The following LRRIQ1 variants were observed in gnomAD, a reference collection of about 807,000 sequenced individuals.
The protein encoded by LRRIQ1 is leucine-rich repeat- and IQ domain-containing protein 1.
Under a neutral mutation model 211.9 loss-of-function variants are expected in LRRIQ1, and 210 were observed. The ratio of observed to expected loss-of-function variants is 0.99; its 90% CI spans 0.89 to 1.11. The LOEUF is 1.11. Ranked by LOEUF, LRRIQ1 falls within the 50% of genes most tolerant of loss-of-function variation. The pLI is 0.00. For missense variants in LRRIQ1, 2,136 were observed against 1,939.5 expected, an observed-to-expected ratio of 1.10 and a Z score of -1.90; for synonymous variants, 699 against 650.1, an observed-to-expected ratio of 1.08 and a Z score of -1.14.
chr12:85,187,812 A>G (rs1459251378), intron 24 of LRRIQ1, among the ~76,000 whole-genome samples: 1 of 150,376 alleles, frequency 6.6e-6, no homozygotes, highest in Non-Finnish European at 1.5e-5. Flanking sequence ...TTCATCTCAA[A>G]AAAAAAAAAA....
At chr12:85,150,769 T>G (rs1037984876) in intron 19 of LRRIQ1, among the ~76,000 whole-genome samples, 1 of 124,802 alleles carries the variant, frequency 8.0e-6, no homozygotes, top group Non-Finnish European at 1.7e-5. Context: ...GCCTCTCTCT[T>G]TTTCCAATAA....
intron 1 of LRRIQ1, chr12:85,262,824 C>T (rs1421244051): frequency 5.9e-5 from 35 of 588,548 alleles, no homozygotes; most frequent in Non-Finnish European, 6.9e-5. Context: ...TTTTCAACTG[C>T]ATGTTTTTGA....
At chr12:85,131,070 G>T (rs963838833) in intron 18 of LRRIQ1, among the ~76,000 whole-genome samples, 2 of 150,010 alleles carry the variant, frequency 1.3e-5, no homozygotes, top group African/African-American at 4.9e-5. Flanking sequence ...AAAAAAATTA[G>T]CCAGGCATGG....
intron 24 of LRRIQ1, among the ~76,000 whole-genome samples, chr12:85,228,215 T>C (rs1894764100): frequency 6.6e-6 from 1 of 152,166 alleles, no homozygotes; most frequent in South Asian, 2.1e-4. Context: ...CAAAAGAAAC[T>C]ACCATCAGAG....
At chr12:85,102,949 AAAAAAAAAAAATATATAT>A (rs1193382714) in intron 13 of LRRIQ1, among the ~76,000 whole-genome samples, 2 of 106,248 alleles carry the variant, frequency 1.9e-5, no homozygotes, top group East Asian at 3.9e-4. Flanking sequence ...TGTGGCAAAA[AAAAAAAAAAAATATATAT>A]ATATATATAT....
Position 85,055,860 on chromosome 12 carries a change from A to C in LRRIQ1, c.1067A>C (p.Glu356Ala). ...KEERKKQKEE[E>A]RKRREKEYEE... The stretch of plus-strand genomic sequence containing the variant: ...GAGAGAAAAAAGCAAAAGGAAGAGG[A>C]AAGGAAAAGGAGAGAAAAAGAATAT... The change falls in exon 8 of 27, where the codon GAA (glutamate) becomes GCA (alanine). Residue 356 changes from glutamate to alanine, a missense_variant. Transcript: ENST00000393217. 3.1e-6 allele frequency: 5 copies of C among 1,592,168 alleles called. No individual in the cohort carries two copies. The highest frequency in any genetic ancestry group is 3.4e-6 in the Non-Finnish European group (4 of 1,171,784).
intron 19 of LRRIQ1, among the ~76,000 whole-genome samples, chr12:85,147,254 G>A (rs979087661): frequency 6.6e-6 from 1 of 151,778 alleles, no homozygotes; most frequent in African/African-American, 2.4e-5. Flanking sequence ...TTTTCCAACA[G>A]GAAGGGGCAA....
chr12:85,115,640 C>T (rs1385077424), intron 15 of LRRIQ1, among the ~76,000 whole-genome samples: 1 of 152,124 alleles, frequency 6.6e-6, no homozygotes, highest in East Asian at 1.9e-4. Context: ...ATATTTATAT[C>T]AGCATCTATG....
intron 24 of LRRIQ1, among the ~76,000 whole-genome samples, chr12:85,183,657 T>A (rs1892095982): frequency 6.6e-6 from 1 of 152,156 alleles, no homozygotes; most frequent in African/African-American, 2.4e-5. Context: ...AATGTGCTGC[T>A]AAGTTACCAT....
In LRRIQ1 at chr12:85,197,735, G is replaced by A. The variant is rs537290375; in HGVS notation, c.4823-31782G>A. ...GGAGATATACCTAATGCTAGATGACGAGTTAGTGGGTGCAACGCACCAGCA... is the reference window on the plus strand; with the variant it reads ...GGAGATATACCTAATGCTAGATGACAAGTTAGTGGGTGCAACGCACCAGCA... On this transcript the variant is annotated intron_variant, in intron 24 of 26. Coordinates refer to ENST00000393217, the MANE Select transcript of LRRIQ1 (RefSeq NM_001079910.2). Among the ~76,000 whole-genome samples, 7 of 150,980 alleles carry A rather than the reference G, an allele frequency of 4.6e-5. No individual in the cohort carries two copies. In the East Asian group the frequency reaches 5.9e-4, roughly 13 times the overall value.
chr12:85,036,386 C>T lies in LRRIQ1; in HGVS notation c.-46C>T, dbSNP rs1344866826. On this transcript the variant is annotated 5_prime_UTR_variant, in exon 1 of 27. The change creates a premature stop within an existing upstream ORF in the 5' untranslated region. Transcript: ENST00000393217. ...TATGGGCGCTGTCTTACAACAAAGC[C>T]AAGGAATCTCGCTGCTGAGGGGTGA... 1 of 152,146 alleles carries T rather than the reference C, an allele frequency of 6.6e-6. No homozygotes were observed. The highest frequency in any genetic ancestry group is 1.5e-5 in the Non-Finnish European group (1 of 68,076). 9.4% of individuals were successfully genotyped at this position (152,146 alleles called of 1,614,324 possible).
rs1439258183 is a variant in LRRIQ1 at position 85,152,031 on chromosome 12, C to T, written c.4330-249C>T. Among the ~76,000 whole-genome samples, 4 of 151,694 alleles carry T rather than the reference C, an allele frequency of 2.6e-5. No individual in the cohort carries two copies. The East Asian group carries it at 7.7e-4, about 29-fold the overall frequency. ...TAAATACACTGAAGAGTCTGCACCT[C>T]ATTTTTTAGAGCATTCAAATATCAA... On this transcript the variant is annotated intron_variant, in intron 19 of 26. Transcript: ENST00000393217.
intron 18 of LRRIQ1, among the ~76,000 whole-genome samples, chr12:85,133,748 G>T: frequency 6.6e-6 from 1 of 152,094 alleles, no homozygotes; most frequent in East Asian, 1.9e-4. Flanking sequence ...AGAAAGTAGG[G>T]TAGGTAACTA....
At chr12:85,185,415 A>G (rs1440075108) in intron 24 of LRRIQ1, among the ~76,000 whole-genome samples, 1 of 151,870 alleles carries the variant, frequency 6.6e-6, no homozygotes, top group African/African-American at 2.4e-5. Context: ...TTTGCTTCTT[A>G]GAGTTTATCT....
intron 19 of LRRIQ1, among the ~76,000 whole-genome samples, chr12:85,145,701 T>C (rs1231683241): frequency 1.3e-5 from 2 of 151,748 alleles, no homozygotes; most frequent in African/African-American, 4.8e-5. Flanking sequence ...TCTAAACGGC[T>C]GTTAGCAACC....
intron 9 of LRRIQ1, among the ~76,000 whole-genome samples, chr12:85,066,357 C>G (rs749050883): frequency 3.3e-5 from 5 of 151,784 alleles, no homozygotes; most frequent in Non-Finnish European, 7.4e-5. Flanking sequence ...TATCTGCAAT[C>G]TAAAATTAAA....
intron 23 of LRRIQ1, among the ~76,000 whole-genome samples, chr12:85,158,373 T>C (rs1159529535): frequency 2.0e-5 from 3 of 151,946 alleles, no homozygotes; most frequent in African/African-American, 7.2e-5. Flanking sequence ...TTATGAAATA[T>C]TGCTAGTTAT....
intron 13 of LRRIQ1, among the ~76,000 whole-genome samples, chr12:85,102,987 T>TATATATATATATATATATATATATATA (rs1592801233): frequency 7.0e-6 from 1 of 142,434 alleles, no homozygotes; most frequent in African/African-American, 2.6e-5. Flanking sequence ...TATATATATA[T>TATATATATATATATATATATATATATA]TTTACTAAGG....
rs761467238 is a variant in LRRIQ1 at position 85,065,341 on chromosome 12, C to T, written c.2471C>T (p.Ser824Phe). 2 of 1,611,024 alleles carry T rather than the reference C, an allele frequency of 1.2e-6. No homozygotes were observed. The highest frequency in any genetic ancestry group is 1.1e-5 in the South Asian group (1 of 91,002). ...LAECTNLQFL[S>F]LRRCGLTSLH... ...GAGTGTACAAATCTTCAGTTTCTATCCCTTCGACGCTGTGGATTAACTTCT... is the reference window on the plus strand; with the variant it reads ...GAGTGTACAAATCTTCAGTTTCTATTCCTTCGACGCTGTGGATTAACTTCT... Residue 824 changes from serine to phenylalanine, a missense_variant, in exon 9 of 27, where the codon TCC becomes TTC. Transcript: ENST00000393217.
Sources: allele counts gnomAD v4.1 joint callset (sites outside exome capture counted in the v4.1 genomes callset), GRCh38; gene constraint gnomAD v4.1.1; transcripts MANE v1.5; gene names NCBI Gene and HGNC (gene_info 2026-07-23, HGNC 2026-07-21).